COMMD1: variants seen among roughly 807,000 people sequenced by gnomAD.
COMMD1 encodes the protein COMM domain-containing protein 1.
In COMMD1, 10 loss-of-function variants were observed where a neutral mutation model predicts 17.2. The ratio of observed to expected loss-of-function variants is 0.58; its 90% confidence interval spans 0.36 to 0.99. The LOEUF is 0.99. Ranked by LOEUF, COMMD1 falls within the 50% of genes least tolerant of loss-of-function variation. The pLI, the probability that COMMD1 is intolerant of heterozygous loss-of-function variation, is 0.01. For synonymous variants in COMMD1, 97 were observed against 91.6 expected (o/e 1.06, Z -0.34); for missense variants, 270 against 231.8 (o/e 1.17, Z -1.07).
chr2:62,054,578 G>T (rs570989408), intron 2 of COMMD1, among the ~76,000 whole-genome samples: 2 of 152,144 alleles, frequency 1.3e-5, no homozygotes, highest in African/African-American at 4.8e-5. Context: ...AAGAACTGGA[G>T]GTCATTAAGT....
At chr2:61,952,483 C>T (rs922004275) in intron 1 of COMMD1, among the ~76,000 whole-genome samples, 1 of 152,092 alleles carries the variant, frequency 6.6e-6, no homozygotes, top group African/African-American at 2.4e-5. Flanking sequence ...GATCCCCACC[C>T]AGAACCATGA....
chr2:61,888,651 G>A (rs1047725603), upstream of COMMD1: 4 of 963,950 alleles, frequency 4.1e-6, no homozygotes, highest in African/African-American at 1.7e-5. Context: ...GGCGGAGGCG[G>A]AGAAGGGGGC....
intron 2 of COMMD1, among the ~76,000 whole-genome samples, chr2:62,034,108 A>AG (rs1669981226): frequency 1.4e-4 from 22 of 151,798 alleles, no homozygotes; most frequent in Admixed American, 1.2e-3. Flanking sequence ...AAAAAAAAAA[A>AG]AAAGAAATGT....
intron 1 of COMMD1, among the ~76,000 whole-genome samples, chr2:61,935,681 T>C (rs575610323): frequency 6.6e-5 from 10 of 152,268 alleles, no homozygotes; most frequent in African/African-American, 2.4e-4. Flanking sequence ...TGTTTTCACT[T>C]AGTGCCGTGG....
At chr2:62,070,416 G>A (rs1671166830) in intron 2 of COMMD1, 1 of 151,834 alleles carries the variant, frequency 6.6e-6, no homozygotes, top group South Asian at 2.1e-4. Context: ...AAATTAGCCA[G>A]GCATGGTGAT....
chr2:62,092,613 C>T (rs541070721), intron 2 of COMMD1, among the ~76,000 whole-genome samples: 1 of 152,226 alleles, frequency 6.6e-6, no homozygotes, highest in South Asian at 2.1e-4. Context: ...AAGTCTTTTC[C>T]AATATACAAA....
At chr2:62,090,020 G>T (rs1671777685) in intron 2 of COMMD1, among the ~76,000 whole-genome samples, 1 of 152,052 alleles carries the variant, frequency 6.6e-6, no homozygotes, top group Non-Finnish European at 1.5e-5. Context: ...CACTGGGAGA[G>T]GACACAGTCT....
intron 1 of COMMD1, among the ~76,000 whole-genome samples, chr2:61,977,943 A>G (rs545025681): frequency 4.6e-5 from 7 of 151,596 alleles, no homozygotes; most frequent in African/African-American, 1.2e-4. Flanking sequence ...GAGCCGAGAT[A>G]GTGCTGCTGC....
intron 1 of COMMD1, among the ~76,000 whole-genome samples, chr2:61,969,517 G>A (rs1321047307): frequency 2.0e-5 from 3 of 152,192 alleles, no homozygotes; most frequent in African/African-American, 4.8e-5. Flanking sequence ...GACATAGCAC[G>A]TTCTTGGAAA....
chr2:62,077,167 G>A (rs961554331), intron 2 of COMMD1, among the ~76,000 whole-genome samples: 1 of 152,082 alleles, frequency 6.6e-6, no homozygotes, highest in East Asian at 1.9e-4. Context: ...GATGTAACTT[G>A]GCAGAGTCAA....
At chr2:61,976,404 A>G (rs570234075) in intron 1 of COMMD1, among the ~76,000 whole-genome samples, 7 of 152,298 alleles carry the variant, frequency 4.6e-5, no homozygotes, top group African/African-American at 1.7e-4. Flanking sequence ...AGAGCAAGAA[A>G]AGTTATTAGG....
intron 1 of COMMD1, among the ~76,000 whole-genome samples, chr2:61,945,053 A>G (rs943227319): frequency 1.3e-5 from 2 of 152,204 alleles, no homozygotes; most frequent in Admixed American, 1.3e-4. Flanking sequence ...GAGCTCGTCA[A>G]ACCTGATGGG....
intron 1 of COMMD1, among the ~76,000 whole-genome samples, chr2:61,960,783 C>G (rs1013758135): frequency 2.0e-5 from 3 of 152,194 alleles, no homozygotes. Flanking sequence ...CCTTTCCCTT[C>G]TGGAGGTTCT....
chr2:61,947,150 TAA>T (rs1670928798), intron 1 of COMMD1, among the ~76,000 whole-genome samples: 1 of 152,186 alleles, frequency 6.6e-6, no homozygotes. Context: ...AGATGTTTAC[TAA>T]GAGACCCAAA....
chr2:62,081,616 G>T (rs1671523764), intron 2 of COMMD1, among the ~76,000 whole-genome samples: 2 of 151,992 alleles, frequency 1.3e-5, no homozygotes, highest in African/African-American at 4.8e-5. Context: ...GTCCACCAGT[G>T]AGGTTGAGTC....
At chr2:61,916,534 A>G (rs770640909) in intron 1 of COMMD1, among the ~76,000 whole-genome samples, 14 of 152,096 alleles carry the variant, frequency 9.2e-5, no homozygotes, top group Admixed American at 2.6e-4. Context: ...CGATCTTCCT[A>G]CTTCAGCCCC....
At chr2:61,922,869 C>T (rs147899520) in intron 1 of COMMD1, among the ~76,000 whole-genome samples, 1 of 152,346 alleles carries the variant, frequency 6.6e-6, no homozygotes, top group Non-Finnish European at 1.5e-5. Context: ...ATCCATAGAA[C>T]CACCATTGAC....
At chr2:61,935,597 A>G (rs1234948265) in intron 1 of COMMD1, among the ~76,000 whole-genome samples, 3 of 151,838 alleles carry the variant, frequency 2.0e-5, no homozygotes, top group African/African-American at 4.8e-5. Context: ...ACACTGCTAC[A>G]CTTCAGCCTG....
At chr2:62,125,698 A>G (rs925318977) in intron 2 of COMMD1, among the ~76,000 whole-genome samples, 4 of 152,204 alleles carry the variant, frequency 2.6e-5, no homozygotes, top group South Asian at 4.1e-4. Flanking sequence ...TCCATTGTAT[A>G]AGAACAGGTT....
Sources: allele counts gnomAD v4.1 joint callset (sites outside exome capture counted in the v4.1 genomes callset), GRCh38; gene constraint gnomAD v4.1.1; transcripts MANE v1.5; gene names NCBI Gene and HGNC (gene_info 2026-07-23, HGNC 2026-07-21).